The following TPCN2 variants were observed in gnomAD, a reference collection of about 807,000 sequenced individuals.
The protein encoded by TPCN2 is two pore segment channel 2.
In TPCN2, 92 loss-of-function variants were observed where a neutral mutation model predicts 111.4. That is an observed-to-expected ratio of 0.83 (90% confidence interval 0.70 to 0.98). TPCN2 has a LOEUF of 0.98. Ranked by LOEUF, TPCN2 falls within the 50% of genes least tolerant of loss-of-function variation. The pLI, the probability that TPCN2 is intolerant of heterozygous loss-of-function variation, is 0.00. For synonymous variants in TPCN2, 405 were observed against 414.5 expected, an observed-to-expected ratio of 0.98 and a Z score of 0.28; for missense variants, 995 against 980.1, an observed-to-expected ratio of 1.02 and a Z score of -0.20.
intron 19 of TPCN2, among the ~76,000 whole-genome samples, chr11:69,085,008 C>A (rs1436016630): frequency 1.3e-5 from 2 of 152,176 alleles, no homozygotes; most frequent in Non-Finnish European, 2.9e-5. Context: ...CCTGCCTGAG[C>A]CCCACTGTGT....
Position 69,055,214 on chromosome 11 carries a change from T to C in TPCN2, c.291T>C (p.Ala97=). The change falls in exon 4 of 25, where the codon GCT becomes GCC. Residue 97 remains alanine (A), a synonymous_variant. Transcript: ENST00000294309. ...SFTIFLILFL[A]FIETPSSLTS... ...CCATCTTCTTGATCCTGTTTTTGGC[T>C]TTTATCGAGACCCCATCCTCACTCA... 6.2e-7 allele frequency: 1 copy of C among 1,614,180 alleles called. No homozygotes were observed. The highest frequency in any genetic ancestry group is 8.5e-7 in the Non-Finnish European group (1 of 1,180,032).
chr11:69,057,774 G>A, intron 5 of TPCN2, 80 bp downstream of exon 5: 1 of 1,336,554 alleles, frequency 7.5e-7, no homozygotes, highest in Non-Finnish European at 1.1e-6. Flanking sequence ...GTGCTGGGAT[G>A]GAGCCCTGAG....
chr11:69,054,625 T>G, intron 2 of TPCN2, 96 bp from the exon 3 acceptor site: 4 of 1,183,724 alleles, frequency 3.4e-6, no homozygotes, highest in Non-Finnish European at 5.0e-6. Flanking sequence ...ATCCACAGCC[T>G]GAGACTTGGG....
intron 4 of TPCN2, among the ~76,000 whole-genome samples, chr11:69,056,586 T>C (rs1854779270): frequency 6.6e-6 from 1 of 152,160 alleles, no homozygotes; most frequent in East Asian, 1.9e-4. Context: ...CAGGCTGGAG[T>C]GCAGTGGTGC....
Position 69,062,911 on chromosome 11 carries a change from C to T in TPCN2, c.574C>T (p.Pro192Ser). ...CCTGCGGATCCGCCGGCTTCTCCGT[C>T]CCTTCTTCCTGCTGCAGAACTCCTC... ...EPLRIRRLLRPFFLLQNSSMM... is the reference protein window; with the variant it reads ...EPLRIRRLLRSFFLLQNSSMM... The change falls in exon 6 of 25, where the codon CCC becomes TCC. Residue 192 changes from proline (P) to serine (S), a missense_variant. Pro to Ser is a moderately conservative substitution (Grantham distance 74, BLOSUM62 -1). Transcript: ENST00000294309. 2 of 1,614,008 alleles carry T rather than the reference C, an allele frequency of 1.2e-6. No homozygotes were observed. The highest frequency in any genetic ancestry group is 1.7e-6 in the Non-Finnish European group (2 of 1,179,918).
At chr11:69,085,384 TG>T in intron 20 of TPCN2, 98 bp downstream of exon 20, 1 of 1,225,692 alleles carries the variant, frequency 8.2e-7, no homozygotes, top group Non-Finnish European at 1.2e-6. Flanking sequence ...CATCTCAGGA[TG>T]GGAGGGTGTT....
chr11:69,054,093 T>C lies in TPCN2; in HGVS notation c.170T>C (p.Ile57Thr). The C allele has an allele frequency of 1.2e-6, 2 of 1,613,176 alleles. No individual in the cohort carries two copies. Among genetic ancestry groups the C allele is most frequent in the South Asian group, 2.2e-5 (2 of 91,050 alleles). ...GCTGTGGTCTTCATCGAAGATGCTA[T>C]TCAGGTCGGTGGCACCTGCTCCCTG... ...DQAVVFIEDA[I>T]QYRSINHRVD... is the part of the protein sequence containing the mutation. Residue 57 changes from isoleucine to threonine, a missense_variant, in exon 2 of 25, where the codon ATT becomes ACT. Coordinates refer to ENST00000294309, the MANE Select transcript of TPCN2 (RefSeq NM_139075.4).
intron 5 of TPCN2, among the ~76,000 whole-genome samples, chr11:69,060,094 C>T (rs370046481): frequency 2.0e-5 from 3 of 152,206 alleles, no homozygotes; most frequent in South Asian, 4.1e-4. Context: ...CAGAAAAGCT[C>T]GTTCAGAGCA....
intron 1 of TPCN2, among the ~76,000 whole-genome samples, chr11:69,049,475 T>G (rs1277736891): frequency 1.3e-5 from 2 of 152,200 alleles, no homozygotes; most frequent in Non-Finnish European, 2.9e-5. Flanking sequence ...GTCGCCGTAA[T>G]GAGGGTCGCC....
chr11:69,049,548 C>T (rs958147153), intron 1 of TPCN2, among the ~76,000 whole-genome samples: 3 of 152,370 alleles, frequency 2.0e-5, no homozygotes, highest in South Asian at 2.1e-4. Flanking sequence ...AGCAGAGGCT[C>T]ACAGAGAGGC....
In TPCN2 at chr11:69,072,623, G is replaced by C. The variant is rs893125783; in HGVS notation, c.1062-4G>C. The C allele has an allele frequency of 6.2e-7, 1 of 1,613,726 alleles. No individual in the cohort carries two copies. Among genetic ancestry groups the C allele is most frequent in the Non-Finnish European group, 8.5e-7 (1 of 1,179,962 alleles). The stretch of plus-strand genomic sequence containing the variant: ...CTCACCGGGCTGTGGGTTTTTCCCT[G>C]CAGAGTTGGGGTGAAGCCCCAGAAC... On this transcript the variant is annotated splice_region_variant and splice_polypyrimidine_tract_variant and intron_variant, in intron 11 of 24. Coordinates refer to ENST00000294309, the MANE Select transcript of TPCN2 (RefSeq NM_139075.4).
rs556206770 is a variant in TPCN2, at chr11:69,054,920, C to T, written c.251+123C>T. 1.1e-4 allele frequency: 106 copies of T among 994,490 alleles called. No individual in the cohort carries two copies. In the African/African-American group the frequency reaches 1.4e-3, roughly 13 times the overall value. 61.6% of individuals were successfully genotyped at this position (994,490 alleles called of 1,614,324 possible). A position where few individuals can be genotyped will look rare whatever the true frequency, so the allele number is the denominator to read the frequency against. On this transcript the variant is annotated intron_variant, in intron 3 of 24. Transcript: ENST00000294309. ...CAGGCTCCCCACTACATAGATAGGG[C>T]GGTTACCATCATCCTCTCTGGAAAG... is the stretch of plus-strand genomic sequence containing the variant.
At chr11:69,079,129 A>T in intron 16 of TPCN2, 109 bp downstream of exon 16, 1 of 1,408,170 alleles carries the variant, frequency 7.1e-7, no homozygotes, top group Non-Finnish European at 9.5e-7. Context: ...AGGCTGTAGG[A>T]AGGTGGGCTT....
At chr11:69,076,103 T>G (rs1213285639) in intron 13 of TPCN2, among the ~76,000 whole-genome samples, 3 of 152,098 alleles carry the variant, frequency 2.0e-5, no homozygotes, top group African/African-American at 7.2e-5. Flanking sequence ...AAGGAAACCA[T>G]GTGGTGTCCT....
chr11:69,051,530 G>C (rs1565077486), intron 1 of TPCN2, among the ~76,000 whole-genome samples: 1 of 152,234 alleles, frequency 6.6e-6, no homozygotes, highest in African/African-American at 2.4e-5. Flanking sequence ...GTGCAGCCTG[G>C]AGCCTGGAGC....
chr11:69,078,486 C>T lies in TPCN2; in HGVS notation c.1235C>T (p.Pro412Leu), dbSNP rs192916035. 8.7e-6 allele frequency: 14 copies of T among 1,614,072 alleles called. No homozygotes were observed. The highest frequency in any genetic ancestry group is 2.2e-5 in the East Asian group (1 of 44,882). Residue 412 changes from proline to leucine, a missense_variant, in exon 14 of 25, where the codon CCG becomes CTG. Transcript: ENST00000294309. ...GCACGTGTGTTCCTTGCCCAGCACCCGCCGAGGCCCGAGTACCAGTCTCCG... is the reference window on the plus strand; with the variant it reads ...GCACGTGTGTTCCTTGCCCAGCACCTGCCGAGGCCCGAGTACCAGTCTCCG... ...ELDRSVVKEH[P>L]PRPEYQSPFL...
intron 13 of TPCN2, among the ~76,000 whole-genome samples, chr11:69,077,787 C>G (rs1478151114): frequency 6.6e-6 from 1 of 152,224 alleles, no homozygotes; most frequent in African/African-American, 2.4e-5. Flanking sequence ...AGCCACGTGT[C>G]ACATGTGGCT....
chr11:69,084,653 C>T (rs1856196735), intron 19 of TPCN2: 2 of 985,412 alleles, frequency 2.0e-6, no homozygotes, highest in Non-Finnish European at 2.4e-6. Flanking sequence ...GGCAGTTTTG[C>T]CATTTTATTC....
rs1335005775 is a variant in TPCN2, at chr11:69,088,208, C to T, written c.*255C>T. On this transcript the variant is annotated 3_prime_UTR_variant, in exon 25 of 25. Transcript: ENST00000294309. ...ATAGCTGCTTCAGTGAGAATTCCCT[C>T]GTCGACTCCACAGGGACCTTTCAGA... The T allele has an allele frequency of 9.9e-6, 5 of 505,780 alleles. No homozygotes were observed. Among genetic ancestry groups the T allele is most frequent in the East Asian group, 3.3e-5 (1 of 29,986 alleles). 31.3% of individuals were successfully genotyped at this position (505,780 alleles called of 1,614,324 possible). A position where few individuals can be genotyped will look rare whatever the true frequency, so the allele number is the denominator to read the frequency against.
Sources: gnomAD v4.1 joint callset for allele counts (sites outside exome capture counted in the v4.1 genomes callset) on GRCh38, gnomAD v4.1.1 for gene constraint, MANE v1.5 for transcripts, NCBI Gene and HGNC (gene_info 2026-07-23, HGNC 2026-07-21) for gene names.